Variants in USP48 observed in about 807,000 individuals in gnomAD.
The protein encoded by USP48 is ubiquitin specific peptidase 48.
In USP48, 43 loss-of-function variants were observed where a neutral mutation model predicts 150.7. That is an observed-to-expected ratio of 0.29 (90% CI 0.22 to 0.37). The LOEUF (loss-of-function observed/expected upper bound fraction) is 0.37. USP48 is among the 10% of genes least tolerant of loss of function. USP48 has a pLI of 1.00. For synonymous variants in USP48, 396 were observed against 425.9 expected, an observed-to-expected ratio of 0.93 and a Z score of 0.86; for missense variants, 813 against 1,249.6, an observed-to-expected ratio of 0.65 and a Z score of 5.27.
chr1:21,767,964 C>G (rs1019730307), intron 1 of USP48, among the ~76,000 whole-genome samples: 1 of 152,010 alleles, frequency 6.6e-6, no homozygotes, highest in Non-Finnish European at 1.5e-5. Context: ...TCCCAGCACT[C>G]TGGGAGGCCG....
intron 10 of USP48, 85 bp downstream of exon 10, chr1:21,729,619 T>C: frequency 1.4e-6 from 2 of 1,463,558 alleles, no homozygotes; most frequent in South Asian, 2.9e-5. Flanking sequence ...TCATAGTAAC[T>C]AAAAGCAATC....
chr1:21,708,157 C>T (rs925463208), intron 15 of USP48, among the ~76,000 whole-genome samples: 3 of 151,506 alleles, frequency 2.0e-5, no homozygotes, highest in African/African-American at 7.3e-5. Flanking sequence ...AGAGAGACGC[C>T]ATCTCAAAAA....
At chr1:21,716,389 C>T (rs1230546767) in intron 14 of USP48, among the ~76,000 whole-genome samples, 3 of 152,118 alleles carry the variant, frequency 2.0e-5, no homozygotes, top group Non-Finnish European at 4.4e-5. Flanking sequence ...ATAAGCTGGA[C>T]ACAGGGAAAA....
At position 21,752,972 on chromosome 1, in the gene USP48, A is replaced by G; in HGVS notation, c.540+20T>C. On this transcript the variant is annotated intron_variant, in intron 4 of 26. Coordinates refer to ENST00000308271, the MANE Select transcript of USP48 (RefSeq NM_032236.8). ...GGGTACCTCTGAATATTTAAAAAAA[A>G]AAAAAAATTCAGTTCTTACCTGCTG... The G allele has an allele frequency of 6.3e-7, 1 of 1,576,858 alleles. No homozygotes were observed. The highest frequency in any genetic ancestry group is 1.2e-5 in the South Asian group (1 of 83,344).
At chr1:21,780,137 C>A (rs2097910804) in intron 1 of USP48, among the ~76,000 whole-genome samples, 1 of 152,026 alleles carries the variant, frequency 6.6e-6, no homozygotes, top group Non-Finnish European at 1.5e-5. Flanking sequence ...TCAAAATAAG[C>A]AAAAGGTGGA....
At position 21,770,125 on chromosome 1, in the gene USP48, C is replaced by G. The variant is rs118007514; in HGVS notation, c.135-12342G>C. Among the ~76,000 whole-genome samples the G allele has an allele frequency of 1.6e-3, 235 of 150,560 alleles. 6 individuals carry two copies. In the East Asian group the frequency reaches 0.043, roughly 28 times the overall value. Reference sequence around the variant, plus strand: ...ATTGCTTGAGCCCAGGAGTTCCAGACTGGCCTGGGCAACATATTGAGACCT... The same window carrying G: ...ATTGCTTGAGCCCAGGAGTTCCAGAGTGGCCTGGGCAACATATTGAGACCT... On this transcript the variant is annotated intron_variant, in intron 1 of 26. Transcript: ENST00000308271.
intron 22 of USP48, among the ~76,000 whole-genome samples, chr1:21,697,470 T>C (rs1454961344): frequency 6.6e-6 from 1 of 152,114 alleles, no homozygotes; most frequent in East Asian, 1.9e-4. Context: ...GAGACCATCC[T>C]GGCTAACATG....
rs139158587 is a variant in USP48 at position 21,748,123 on chromosome 1, T to G, written c.908+15A>C. On this transcript the variant is annotated intron_variant, in intron 7 of 26. Coordinates refer to ENST00000308271, the MANE Select transcript of USP48 (RefSeq NM_032236.8). ...CCACAATGAACAACAAACACTAATA[T>G]TTGCACACATTTACCTGTCAAAGAC... 1.2e-6 allele frequency: 2 copies of G among 1,609,836 alleles called. No homozygotes were observed. The highest frequency in any genetic ancestry group is 1.7e-6 in the Non-Finnish European group (2 of 1,178,068).
chr1:21,730,647 C>T (rs2097754479), intron 9 of USP48, among the ~76,000 whole-genome samples: 2 of 151,518 alleles, frequency 1.3e-5, no homozygotes. Flanking sequence ...TGTGTCACTG[C>T]ACTCCTGTCT....
At chr1:21,720,756 C>A (rs1276754720) in intron 14 of USP48, among the ~76,000 whole-genome samples, 2 of 152,044 alleles carry the variant, frequency 1.3e-5, no homozygotes, top group Non-Finnish European at 2.9e-5. Flanking sequence ...GTCTTGAACA[C>A]CTGACCTCAA....
At chr1:21,756,728 A>C in intron 2 of USP48, 26 bp from the exon 3 acceptor site, 1 of 1,609,916 alleles carries the variant, frequency 6.2e-7, no homozygotes, top group Non-Finnish European at 8.5e-7. Context: ...ATTCATAATT[A>C]TAAAACCCAT....
intron 1 of USP48, among the ~76,000 whole-genome samples, chr1:21,764,705 C>T (rs2097857728): frequency 1.0e-5 from 1 of 99,570 alleles, no homozygotes; most frequent in Non-Finnish European, 2.2e-5. Flanking sequence ...GAGTGGCACT[C>T]CGTCTCAAAA....
chr1:21,722,877 A>G (rs2097725499), intron 12 of USP48, among the ~76,000 whole-genome samples: 1 of 151,892 alleles, frequency 6.6e-6, no homozygotes, highest in Non-Finnish European at 1.5e-5. Context: ...AGGAAGCAAA[A>G]CTCCAGTCGT....
rs376616565 is a variant in USP48, at chr1:21,708,477, G to A, written c.1964-1609C>T. The stretch of plus-strand genomic sequence containing the variant: ...TGTGCCATTCCACTCCAGCCTGGGC[G>A]AGGAGCAAGACTCTGTCTCAAAAAA... On this transcript the variant is annotated intron_variant, in intron 15 of 26. Coordinates refer to ENST00000308271, the MANE Select transcript of USP48 (RefSeq NM_032236.8). 5.9e-5 allele frequency among the ~76,000 whole-genome samples: 9 copies of A among 152,202 alleles called. 1 individual carries two copies. The South Asian group carries it at 1.0e-3, about 18-fold the overall frequency.
chr1:21,707,213 G>A (rs2097675162), intron 15 of USP48, among the ~76,000 whole-genome samples: 1 of 152,198 alleles, frequency 6.6e-6, no homozygotes, highest in Middle Eastern at 3.4e-3. Context: ...CAGGAGTCCT[G>A]GGACCTCTGT....
chr1:21,732,386 C>T (rs1372808504), intron 9 of USP48, among the ~76,000 whole-genome samples: 6 of 152,176 alleles, frequency 3.9e-5, no homozygotes, highest in Non-Finnish European at 5.9e-5. Context: ...TGAGGTCCCA[C>T]GATGGTTTCT....
At chr1:21,743,714 C>A (rs2097787258) in intron 8 of USP48, among the ~76,000 whole-genome samples, 4 of 152,166 alleles carry the variant, frequency 2.6e-5, no homozygotes, top group African/African-American at 7.2e-5. Flanking sequence ...CAAAAGGAGG[C>A]TTCCGGGGTA....
chr1:21,751,438 A>G, intron 6 of USP48, 69 bp downstream of exon 6: 1 of 1,190,324 alleles, frequency 8.4e-7, no homozygotes, highest in Non-Finnish European at 1.2e-6. Context: ...AAATCAAAAC[A>G]GAATAGCATT....
At chr1:21,750,733 T>C (rs924613949) in intron 6 of USP48, among the ~76,000 whole-genome samples, 1 of 151,838 alleles carries the variant, frequency 6.6e-6, no homozygotes, top group African/African-American at 2.4e-5. Context: ...ACAAAAAAAA[T>C]TAGCCAGGTA....
Sources: gnomAD v4.1 joint callset for allele counts (sites outside exome capture counted in the v4.1 genomes callset) on GRCh38, gnomAD v4.1.1 for gene constraint, MANE v1.5 for transcripts, NCBI Gene and HGNC (gene_info 2026-07-23, HGNC 2026-07-21) for gene names.